Variants in APOLD1 observed in about 807,000 individuals in gnomAD.
The protein encoded by APOLD1 is apolipoprotein L domain-containing protein 1.
In APOLD1, 22 loss-of-function variants were observed where a neutral mutation model predicts 15.3. The observed-to-expected ratio is 1.44, with a 90% CI of 1.03 to 2.05. APOLD1 has a LOEUF of 2.05. Ranked by LOEUF, APOLD1 falls within the 30% of genes most tolerant of loss-of-function variation. The pLI, the probability that APOLD1 is intolerant of heterozygous loss-of-function variation, is 0.00. For synonymous variants in APOLD1, 190 were observed against 167.4 expected (o/e 1.13, Z -1.04); for missense variants, 394 against 353.5 (o/e 1.11, Z -0.92).
At position 12,786,931 on chromosome 12, in the gene APOLD1, G is replaced by C; in HGVS notation, c.26G>C (p.Arg9Pro). Residue 9 changes from arginine (R) to proline (P), a missense_variant, in exon 2 of 2, where the codon CGG (arginine) becomes CCG (proline). Transcript: ENST00000356591. ...CAGGGAATGGAGAGGCCGGCGGCCC[G>C]GGAGCCGCATGGGCCCGACGCGCTG... is the stretch of plus-strand genomic sequence containing the variant. MGMERPAA[R>P]EPHGPDALRR... 3 of 1,451,654 alleles carry C rather than the reference G, an allele frequency of 2.1e-6. No individual in the cohort carries two copies. Among genetic ancestry groups the C allele is most frequent in the Non-Finnish European group, 9.0e-7 (1 of 1,111,110 alleles). The allele number at this position is 1,451,654 out of a possible 1,614,324, so 89.9% of individuals were successfully genotyped here. A position where few individuals can be genotyped will look rare whatever the true frequency, so the allele number is the denominator to read the frequency against.
chr12:12,752,451 A>G (rs934201591), intron 1 of APOLD1, among the ~76,000 whole-genome samples: 3 of 152,186 alleles, frequency 2.0e-5, no homozygotes, highest in African/African-American at 7.2e-5. Flanking sequence ...TGTAGTTTTA[A>G]TCAGAATACA....
In APOLD1 at chr12:12,787,515, G is replaced by A. The variant is rs1234674220; in HGVS notation, c.610G>A (p.Glu204Lys). Residue 204 changes from glutamate (E) to lysine (K), a missense_variant, in exon 2 of 2, where the codon GAG (glutamate) becomes AAG (lysine). Coordinates refer to ENST00000356591, the MANE Select transcript of APOLD1 (RefSeq NM_030817.3). The surrounding 1 kb of genome is among the most constrained non-coding windows in gnomAD (Gnocchi z 4.9). ...GAAGGCCAAGATTCAGAAACTGGCC[G>A]AGAGCCTGGAGTCCTGCACCGGGGC... ...VLKAKIQKLA[E>K]SLESCTGALD... 3.7e-6 allele frequency: 6 copies of A among 1,614,036 alleles called. No homozygotes were observed. Among genetic ancestry groups the A allele is most frequent in the Non-Finnish European group, 5.1e-6 (6 of 1,180,050 alleles).
intron 1 of APOLD1, among the ~76,000 whole-genome samples, chr12:12,727,719 C>T (rs1043177729): frequency 6.6e-6 from 1 of 151,086 alleles, no homozygotes. Context: ...CCTCCCAACT[C>T]AGCCTCCAGA....
chr12:12,764,749 A>G, intron 1 of APOLD1: 1 of 486,668 alleles, frequency 2.1e-6, no homozygotes, highest in African/African-American at 2.0e-5. Context: ...CTTTATGTGC[A>G]TCTCACATGG....
At chr12:12,774,637 C>T (rs1470916776) in intron 1 of APOLD1, among the ~76,000 whole-genome samples, 2 of 150,396 alleles carry the variant, frequency 1.3e-5, no homozygotes, top group African/African-American at 4.9e-5. Context: ...AAAAAATGGG[C>T]CAATGACCTT....
chr12:12,767,676 A>G (rs1319872280), intron 1 of APOLD1, among the ~76,000 whole-genome samples: 1 of 152,208 alleles, frequency 6.6e-6, no homozygotes, highest in Non-Finnish European at 1.5e-5. Context: ...AAAAACAAAA[A>G]CAAAACTAGT....
chr12:12,730,210 G>C (rs778799396), intron 1 of APOLD1, among the ~76,000 whole-genome samples: 17 of 151,894 alleles, frequency 1.1e-4, no homozygotes, highest in Non-Finnish European at 1.6e-4. Flanking sequence ...CATCATGCCT[G>C]GCTCACTGGA....
chr12:12,777,889 GT>G (rs71436735), intron 1 of APOLD1, among the ~76,000 whole-genome samples: 34 of 117,120 alleles, frequency 2.9e-4, no homozygotes, highest in Admixed American at 6.3e-4. Context: ...AAGGAAAGGT[GT>G]TTTTTTTTTT....
At chr12:12,732,304 TAA>T (rs1364128136) in intron 1 of APOLD1, among the ~76,000 whole-genome samples, 2 of 152,364 alleles carry the variant, frequency 1.3e-5, no homozygotes, top group East Asian at 3.9e-4. Flanking sequence ...ACTGCGCATT[TAA>T]AATGTATGTA....
Position 12,746,510 on chromosome 12 carries a change from A to AATAAATAAATAAATAC in APOLD1, c.96+20421_96+20422insAATAAATACATAAATA, listed in dbSNP as rs57489224. 8.3e-3 allele frequency among the ~76,000 whole-genome samples: 1,249 copies of AATAAATAAATAAATAC among 149,918 alleles called. 13 individuals are homozygous for AATAAATAAATAAATAC. The highest frequency in any genetic ancestry group is 0.025 in the African/African-American group (1,008 of 40,584). On this transcript the variant is annotated intron_variant, in intron 1 of 1. Coordinates refer to the APOLD1 transcript ENST00000326765. ...AAACTCCATCTCAAATAAATAAATA[A>AATAAATAAATAAATAC]ATAAATACATAAATACATACATACA...
rs988951799 is a variant in APOLD1, at chr12:12,747,265, C to T, written c.96+21169C>T. ...GCACTGGGATTACTGTGTGAACTAC[C>T]GTGTCTAGCCCACGTCTCTTACTAG... On this transcript the variant is annotated intron_variant, in intron 1 of 1. Coordinates refer to the APOLD1 transcript ENST00000326765. 5.3e-5 allele frequency among the ~76,000 whole-genome samples: 8 copies of T among 152,090 alleles called. No homozygotes were observed. The East Asian group carries it at 7.7e-4, about 15-fold the overall frequency.
At chr12:12,738,755 T>C (rs1483919857) in intron 1 of APOLD1, among the ~76,000 whole-genome samples, 1 of 152,192 alleles carries the variant, frequency 6.6e-6, no homozygotes, top group East Asian at 1.9e-4. Context: ...AAGTTTGACA[T>C]CTGCCTGTCT....
intron 1 of APOLD1, among the ~76,000 whole-genome samples, chr12:12,737,715 G>T (rs144283087): frequency 2.9e-3 from 445 of 152,302 alleles, no homozygotes; most frequent in Non-Finnish European, 5.0e-3. Flanking sequence ...CATATCCTCA[G>T]CTGAGGATCC....
At chr12:12,758,553 C>T (rs1277035622) in intron 1 of APOLD1, among the ~76,000 whole-genome samples, 1 of 152,042 alleles carries the variant, frequency 6.6e-6, no homozygotes, top group Non-Finnish European at 1.5e-5. Context: ...AGAAGCAAAA[C>T]AAAACAAATC....
intron 1 of APOLD1, among the ~76,000 whole-genome samples, chr12:12,752,610 A>T (rs893539200): frequency 3.3e-5 from 5 of 152,178 alleles, no homozygotes; most frequent in African/African-American, 9.7e-5. Flanking sequence ...AGTGGAGAAA[A>T]TTTAAAAAAA....
intron 1 of APOLD1, among the ~76,000 whole-genome samples, chr12:12,774,792 C>T (rs928402722): frequency 6.6e-5 from 10 of 152,020 alleles, no homozygotes; most frequent in African/African-American, 2.4e-4. Context: ...CTAGAACTGA[C>T]GATACTAAAT....
At chr12:12,734,611 C>G (rs1195647939) in intron 1 of APOLD1, among the ~76,000 whole-genome samples, 2 of 152,222 alleles carry the variant, frequency 1.3e-5, no homozygotes, top group African/African-American at 2.4e-5. Flanking sequence ...ACATTCCATC[C>G]CTGTGGATCA....
chr12:12,742,185 A>G (rs1049136176), intron 1 of APOLD1, among the ~76,000 whole-genome samples: 1 of 152,214 alleles, frequency 6.6e-6, no homozygotes, highest in East Asian at 1.9e-4. Context: ...TCCTGAGGCA[A>G]GATGGAAAGA....
chr12:12,755,886 A>C (rs934942251), intron 1 of APOLD1, among the ~76,000 whole-genome samples: 1 of 152,204 alleles, frequency 6.6e-6, no homozygotes, highest in Non-Finnish European at 1.5e-5. Context: ...CTGCAACGTC[A>C]ATCCTTCCCT....
Sources: gnomAD v4.1 joint callset for allele counts (sites outside exome capture counted in the v4.1 genomes callset) on GRCh38, gnomAD v4.1.1 for gene constraint, Gnocchi (gnomAD v3.1) non-coding constraint, MANE v1.5 for transcripts, NCBI Gene and HGNC (gene_info 2026-07-23, HGNC 2026-07-21) for gene names.